FANCC: variants seen among roughly 807,000 people sequenced by gnomAD.
The protein encoded by FANCC is FA complementation group C.
In FANCC, 55 loss-of-function variants were observed where a neutral mutation model predicts 71.3. That is an observed-to-expected ratio of 0.77 (90% CI 0.62 to 0.97). The LOEUF is 0.97. FANCC is among the 50% of genes least tolerant of loss of function. The pLI is 0.00. For synonymous variants in FANCC, 275 were observed against 244.9 expected (o/e 1.12, Z -1.15); for missense variants, 678 against 670.9 (o/e 1.01, Z -0.12).
chr9:95,111,211 G>A, intron 13 of FANCC: 1 of 1,536,368 alleles, frequency 6.5e-7, no homozygotes, highest in Non-Finnish European at 8.7e-7. Flanking sequence ...TGACCTTGGG[G>A]AAGAAGGGTC....
At chr9:95,247,209 ACG>A (rs773605147) in intron 3 of FANCC, among the ~76,000 whole-genome samples, 26 of 127,480 alleles carry the variant, frequency 2.0e-4, no homozygotes, top group Non-Finnish European at 2.8e-4. Flanking sequence ...GGGTGCGTGC[ACG>A]CGTGTGTGTG....
intron 6 of FANCC, among the ~76,000 whole-genome samples, chr9:95,164,121 G>T (rs754235410): frequency 6.6e-6 from 1 of 152,152 alleles, no homozygotes; most frequent in Non-Finnish European, 1.5e-5. Flanking sequence ...TTTGTATACT[G>T]CAACTTTGTT....
intron 6 of FANCC, among the ~76,000 whole-genome samples, chr9:95,155,271 A>AGGGAAGGGGAGGGGAGGG (rs1830397317): frequency 2.4e-4 from 6 of 24,698 alleles, no homozygotes; most frequent in Admixed American, 4.8e-4. Flanking sequence ...GGAGGGGAGG[A>AGGGAAGGGGAGGGGAGGG]AAGGGGAGGG....
At chr9:95,202,807 G>A (rs1163931742) in intron 4 of FANCC, among the ~76,000 whole-genome samples, 2 of 152,080 alleles carry the variant, frequency 1.3e-5, no homozygotes, top group Non-Finnish European at 2.9e-5. Context: ...AAAATATTAG[G>A]TAACTGAGGC....
intron 4 of FANCC, among the ~76,000 whole-genome samples, chr9:95,196,851 C>A (rs1403627855): frequency 2.0e-5 from 3 of 152,210 alleles, no homozygotes; most frequent in Admixed American, 2.0e-4. Flanking sequence ...CTGTGATGCT[C>A]CAAAAGCACC....
chr9:95,297,709 A>G (rs1035930335), intron 1 of FANCC, among the ~76,000 whole-genome samples: 12 of 152,190 alleles, frequency 7.9e-5, no homozygotes, highest in African/African-American at 2.9e-4. Flanking sequence ...CAACTATTAC[A>G]TGTTTTCTCT....
chr9:95,316,548 C>G (rs1031928506), intron 1 of FANCC, among the ~76,000 whole-genome samples: 1 of 152,198 alleles, frequency 6.6e-6, no homozygotes. Context: ...TAAGTCAAAT[C>G]ACATCACAGT....
At position 95,202,620 on chromosome 9, in the gene FANCC, G is replaced by A. The variant is rs1827872322; in HGVS notation, c.346-30473C>T. Reference sequence around the variant, plus strand: ...TTCTAATTACAGAAGTTTCTTCTGTGGGGCAGTTAGCCCCTTCCAATTAAG... The same window carrying A: ...TTCTAATTACAGAAGTTTCTTCTGTAGGGCAGTTAGCCCCTTCCAATTAAG... On this transcript the variant is annotated intron_variant, in intron 4 of 14. Transcript: ENST00000289081. 2.0e-5 allele frequency among the ~76,000 whole-genome samples: 3 copies of A among 152,198 alleles called. No homozygotes were observed. The South Asian group carries it at 6.2e-4, about 32-fold the overall frequency.
intron 6 of FANCC, among the ~76,000 whole-genome samples, chr9:95,160,251 G>C (rs1337563105): frequency 6.6e-6 from 1 of 152,132 alleles, no homozygotes; most frequent in Non-Finnish European, 1.5e-5. Flanking sequence ...CATATGGCTA[G>C]CCAGTTTTCC....
intron 1 of FANCC, among the ~76,000 whole-genome samples, chr9:95,290,443 C>T (rs983570216): frequency 1.3e-5 from 2 of 152,122 alleles, no homozygotes; most frequent in African/African-American, 4.8e-5. Context: ...CCTATTACTC[C>T]CAAGAAGGAG....
intron 14 of FANCC, among the ~76,000 whole-genome samples, chr9:95,103,033 A>G (rs2071181717): frequency 6.6e-6 from 1 of 152,214 alleles, no homozygotes; most frequent in African/African-American, 2.4e-5. Context: ...TGACAGGCAC[A>G]TAGTGCTGAT....
chr9:95,271,562 C>T (rs1477281215), intron 1 of FANCC, among the ~76,000 whole-genome samples: 4 of 152,196 alleles, frequency 2.6e-5, no homozygotes, highest in Admixed American at 1.3e-4. Context: ...AGTTTTCACA[C>T]TTTTGGCCTC....
chr9:95,128,700 T>C (rs1409969498), intron 8 of FANCC, among the ~76,000 whole-genome samples: 1 of 152,236 alleles, frequency 6.6e-6, no homozygotes, highest in Non-Finnish European at 1.5e-5. Context: ...ATGTTTTAAA[T>C]GCCTGCTGGC....
intron 1 of FANCC, chr9:95,293,009 T>C: frequency 6.3e-7 from 1 of 1,582,992 alleles, no homozygotes; most frequent in Non-Finnish European, 8.7e-7. Context: ...ACCCACCTAG[T>C]AAGAAAAGGA....
chr9:95,185,008 C>T (rs915260955), intron 4 of FANCC, among the ~76,000 whole-genome samples: 3 of 152,224 alleles, frequency 2.0e-5, no homozygotes, highest in Non-Finnish European at 1.5e-5. Context: ...CACAGTTTCA[C>T]TGATAACTCT....
intron 4 of FANCC, among the ~76,000 whole-genome samples, chr9:95,189,337 A>C (rs750968195): frequency 5.9e-5 from 9 of 152,224 alleles, no homozygotes; most frequent in Non-Finnish European, 1.0e-4. Context: ...GCAGTGGTTA[A>C]GTCTGTGAGT....
Position 95,126,163 on chromosome 9 carries a change from T to C in FANCC, c.896+366A>G, listed in dbSNP as rs572704339. ...GGCTTTCTTTAGCTTTAAAGTCTTTTAAAAATATTGGTCAGCCCTCACATG... is the reference window on the plus strand; with the variant it reads ...GGCTTTCTTTAGCTTTAAAGTCTTTCAAAAATATTGGTCAGCCCTCACATG... On this transcript the variant is annotated intron_variant, in intron 9 of 14. Transcript: ENST00000289081. 7.2e-5 allele frequency among the ~76,000 whole-genome samples: 11 copies of C among 152,360 alleles called. No homozygotes were observed. The South Asian group carries it at 2.1e-3, about 29-fold the overall frequency.
Position 95,100,301 on chromosome 9 carries a change from C to A in FANCC, c.*1406G>T, listed in dbSNP as rs1467532568. On this transcript the variant is annotated 3_prime_UTR_variant, in exon 15 of 15. Coordinates refer to ENST00000289081, the MANE Select transcript of FANCC (RefSeq NM_000136.3). ...CAAAATACTTTACCAGCACACCCTT[C>A]TGACTGCAGCATTTCTCAGAAGAAA... The A allele has an allele frequency of 4.3e-6, 1 of 232,686 alleles. No homozygotes were observed. The highest frequency in any genetic ancestry group is 8.5e-6 in the Non-Finnish European group (1 of 117,724). 14.4% of individuals were successfully genotyped at this position (232,686 alleles called of 1,614,324 possible).
intron 1 of FANCC, among the ~76,000 whole-genome samples, chr9:95,284,871 CACACAT>C (rs1470673348): frequency 2.6e-4 from 27 of 104,882 alleles, no homozygotes; most frequent in Admixed American, 1.4e-3. Flanking sequence ...CACACACACA[CACACAT>C]ACACACACAC....
Sources: gnomAD v4.1 joint callset for allele counts (sites outside exome capture counted in the v4.1 genomes callset) on GRCh38, gnomAD v4.1.1 for gene constraint, MANE v1.5 for transcripts, NCBI Gene and HGNC (gene_info 2026-07-23, HGNC 2026-07-21) for gene names.